The following DLG2 variants were observed in gnomAD, a reference collection of about 807,000 sequenced individuals.
DLG2 encodes the protein disks large homolog 2.
In DLG2, 45 loss-of-function variants were observed where a neutral mutation model predicts 132.5. The observed-to-expected ratio is 0.34, with a 90% CI of 0.27 to 0.44. The LOEUF (loss-of-function observed/expected upper bound fraction) is 0.44. Among genes scored for constraint, DLG2 ranks in the 20% least tolerant of loss-of-function variants. The pLI is 1.00. For missense variants in DLG2, 1,045 were observed against 1,196.9 expected (o/e 0.87, Z 1.87); for synonymous variants, 424 against 419.6 (o/e 1.01, Z -0.13).
chr11:84,547,995 C>A (rs754857134), intron 6 of DLG2, among the ~76,000 whole-genome samples: 1 of 152,144 alleles, frequency 6.6e-6, no homozygotes, highest in Non-Finnish European at 1.5e-5. Context: ...AGATTTTCAA[C>A]AATAAAATCA....
At position 83,518,326 on chromosome 11, in the gene DLG2, C is replaced by T. The variant is rs946002922; in HGVS notation, c.2193+14382G>A. ...GGCGTAGAACCCTCCAAGCCAGGCGCGGGATATAATCTCCTGGTGTGACGT... is the reference window on the plus strand; with the variant it reads ...GGCGTAGAACCCTCCAAGCCAGGCGTGGGATATAATCTCCTGGTGTGACGT... On this transcript the variant is annotated intron_variant, in intron 21 of 27. Coordinates refer to ENST00000376104, the MANE Select transcript of DLG2 (RefSeq NM_001142699.3). Among the ~76,000 whole-genome samples, 234 of 152,194 alleles carry T rather than the reference C, an allele frequency of 1.5e-3. 9 individuals are homozygous for T. The highest frequency in any genetic ancestry group is 1.7e-3 in the Admixed American group (26 of 15,280).
At chr11:84,175,378 A>G (rs993387070) in intron 8 of DLG2, among the ~76,000 whole-genome samples, 11 of 152,246 alleles carry the variant, frequency 7.2e-5, no homozygotes, top group African/African-American at 2.6e-4. Context: ...GCCGCATTAT[A>G]AATTGTTATT....
chr11:83,597,227 A>G (rs2057742434), intron 19 of DLG2, among the ~76,000 whole-genome samples: 1 of 152,214 alleles, frequency 6.6e-6, no homozygotes, highest in Non-Finnish European at 1.5e-5. Flanking sequence ...GGATCAAGAG[A>G]CATCAAAATT....
At chr11:84,028,226 T>C (rs868434961) in intron 11 of DLG2, among the ~76,000 whole-genome samples, 1 of 152,062 alleles carries the variant, frequency 6.6e-6, no homozygotes, top group Non-Finnish European at 1.5e-5. Flanking sequence ...GATCATGACA[T>C]AGAGAGTCGA....
intron 6 of DLG2, among the ~76,000 whole-genome samples, chr11:84,717,728 T>C (rs1168514622): frequency 6.6e-6 from 1 of 152,046 alleles, no homozygotes; most frequent in African/African-American, 2.4e-5. Flanking sequence ...GGGAGCAGTT[T>C]CTCCTATAAG....
chr11:85,074,943 C>T (rs2154168872), intron 6 of DLG2, among the ~76,000 whole-genome samples: 1 of 151,898 alleles, frequency 6.6e-6, no homozygotes, highest in South Asian at 2.1e-4. Flanking sequence ...CCTAATTTAG[C>T]CTACTTGAGA....
intron 4 of DLG2, among the ~76,000 whole-genome samples, chr11:85,250,787 A>G (rs1358503144): frequency 6.6e-6 from 1 of 152,204 alleles, no homozygotes; most frequent in Non-Finnish European, 1.5e-5. Flanking sequence ...TCTCCCTTAG[A>G]CAAGCTCTCT....
chr11:83,533,005 G>A (rs1052417910), intron 20 of DLG2, among the ~76,000 whole-genome samples: 5 of 151,780 alleles, frequency 3.3e-5, no homozygotes, highest in African/African-American at 1.2e-4. Flanking sequence ...TGAGAGTCAC[G>A]TCATGGTATT....
intron 7 of DLG2, among the ~76,000 whole-genome samples, chr11:84,451,259 G>A (rs147328177): frequency 0.015 from 2,327 of 151,684 alleles, 27 homozygotes; most frequent in South Asian, 0.028. Flanking sequence ...CTAAACTTTC[G>A]TTAAATTAAT....
chr11:85,404,471 G>A (rs2088516680), intron 3 of DLG2, among the ~76,000 whole-genome samples: 1 of 151,916 alleles, frequency 6.6e-6, no homozygotes, highest in South Asian at 2.1e-4. Context: ...CCAGGGAGTA[G>A]GGATTATAAA....
At chr11:85,628,296 C>T (rs1179819478), upstream of DLG2, among the ~76,000 whole-genome samples, 1 of 152,234 alleles carries the variant, frequency 6.6e-6, no homozygotes, top group African/African-American at 2.4e-5. Flanking sequence ...AACATTACAA[C>T]ATTCGGGCCG....
At chr11:84,976,967 G>T (rs1470067461) in intron 6 of DLG2, among the ~76,000 whole-genome samples, 2 of 152,110 alleles carry the variant, frequency 1.3e-5, no homozygotes, top group East Asian at 1.9e-4. Flanking sequence ...TCCAAGAAGT[G>T]AAACTACCCA....
rs1287873274 is a variant in DLG2 at position 84,062,307 on chromosome 11, T to C, written c.750-2823A>G. Among the ~76,000 whole-genome samples the C allele has an allele frequency of 3.3e-5, 5 of 152,144 alleles. No homozygotes were observed. The South Asian group carries it at 1.0e-3, about 32-fold the overall frequency. ...GTGAGGCCACTTTATCTTTTTGAAC[T>C]TCAGTATCCCATAAAAGGAGAGAGA... On this transcript the variant is annotated intron_variant, in intron 10 of 27. Coordinates refer to ENST00000376104, the MANE Select transcript of DLG2 (RefSeq NM_001142699.3).
rs369657279 is a variant in DLG2, at chr11:83,586,176, G to A, written c.1941-44318C>T. ...GCCCTCAGCATCATTCAGGAGTGGG[G>A]CATGGGCATTGCCCAGGTCAGGAGC... On this transcript the variant is annotated intron_variant, in intron 19 of 27. Coordinates refer to ENST00000376104, the MANE Select transcript of DLG2 (RefSeq NM_001142699.3). Among the ~76,000 whole-genome samples, 6 of 152,350 alleles carry A rather than the reference G, an allele frequency of 3.9e-5. No homozygotes were observed. The East Asian group carries it at 9.6e-4, about 24-fold the overall frequency.
intron 9 of DLG2, among the ~76,000 whole-genome samples, chr11:84,135,232 CAG>C (rs2094559363): frequency 6.6e-6 from 1 of 152,046 alleles, no homozygotes; most frequent in Non-Finnish European, 1.5e-5. Context: ...GCTCAACCAG[CAG>C]AGACTCAACA....
intron 6 of DLG2, among the ~76,000 whole-genome samples, chr11:85,010,981 C>A (rs2059105322): frequency 6.6e-6 from 1 of 152,156 alleles, no homozygotes; most frequent in Non-Finnish European, 1.5e-5. Context: ...AGGGGCACTG[C>A]TGGCATTTCA....
At chr11:85,249,407 G>A (rs1239615576) in intron 4 of DLG2, among the ~76,000 whole-genome samples, 2 of 151,518 alleles carry the variant, frequency 1.3e-5, no homozygotes, top group Non-Finnish European at 2.9e-5. Context: ...ATTTATATGT[G>A]TATATATCAT....
chr11:85,306,527 C>T (rs2079952652), intron 3 of DLG2, among the ~76,000 whole-genome samples: 1 of 152,198 alleles, frequency 6.6e-6, no homozygotes, highest in African/African-American at 2.4e-5. Context: ...GCCCTTCCAA[C>T]CCTTTAGGAA....
chr11:83,813,647 G>A (rs180742884), intron 17 of DLG2, among the ~76,000 whole-genome samples: 1 of 152,254 alleles, frequency 6.6e-6, no homozygotes, highest in East Asian at 1.9e-4. Flanking sequence ...AACTAAACCT[G>A]TTACGAACTC....
Sources: allele counts gnomAD v4.1 joint callset (sites outside exome capture counted in the v4.1 genomes callset), GRCh38; gene constraint gnomAD v4.1.1; transcripts MANE v1.5; gene names NCBI Gene and HGNC (gene_info 2026-07-23, HGNC 2026-07-21).